The following ESRRG variants were observed in gnomAD, a reference collection of about 807,000 sequenced individuals.
ESRRG encodes estrogen related receptor gamma.
In ESRRG, 13 loss-of-function variants were observed where a neutral mutation model predicts 44.0. That is an observed-to-expected ratio of 0.30 (90% CI 0.19 to 0.47). The LOEUF is 0.47. Among genes scored for constraint, ESRRG ranks in the 20% least tolerant of loss-of-function variants. ESRRG has a pLI of 1.00. For missense variants in ESRRG, 395 were observed against 580.6 expected (o/e 0.68, Z 3.29); for synonymous variants, 215 against 214.6 (o/e 1.00, Z -0.02).
chr1:216,873,145 A>G (rs1262270932), intron 2 of ESRRG, among the ~76,000 whole-genome samples: 1 of 150,276 alleles, frequency 6.7e-6, no homozygotes, highest in Non-Finnish European at 1.5e-5. Context: ...AGTTTTTGAT[A>G]TGCTAAATTA....
chr1:216,846,286 G>T (rs916294022), intron 2 of ESRRG, among the ~76,000 whole-genome samples: 7 of 151,856 alleles, frequency 4.6e-5, no homozygotes, highest in Non-Finnish European at 5.9e-5. Flanking sequence ...TTCACTATAG[G>T]GATTTATTGC....
At chr1:216,951,749 G>A (rs183748374) in intron 1 of ESRRG, among the ~76,000 whole-genome samples, 12 of 150,068 alleles carry the variant, frequency 8.0e-5, no homozygotes, top group South Asian at 4.2e-4. Flanking sequence ...GTGTGTGTGT[G>A]TGTGTGTGTA....
chr1:216,937,054 G>A (rs543745820), intron 2 of ESRRG, among the ~76,000 whole-genome samples: 215 of 151,566 alleles, frequency 1.4e-3, no homozygotes, highest in African/African-American at 4.9e-3. Flanking sequence ...CTTGTAATTG[G>A]TACTTATCTT....
At chr1:216,709,329 ATG>A (rs201655451) in intron 1 of ESRRG, among the ~76,000 whole-genome samples, 1 of 92,402 alleles carries the variant, frequency 1.1e-5, no homozygotes, top group East Asian at 3.4e-4. Flanking sequence ...ATATATGTGT[ATG>A]TGTGTGTGTG....
At chr1:217,042,839 G>A (rs1161764126) in intron 1 of ESRRG, among the ~76,000 whole-genome samples, 1 of 152,072 alleles carries the variant, frequency 6.6e-6, no homozygotes, top group Non-Finnish European at 1.5e-5. Flanking sequence ...CACAGCCAGG[G>A]AACTGCTAAT....
At chr1:217,002,382 T>C (rs1387295634) in intron 1 of ESRRG, among the ~76,000 whole-genome samples, 2 of 151,296 alleles carry the variant, frequency 1.3e-5, no homozygotes, top group African/African-American at 4.9e-5. Context: ...GCACATTGTA[T>C]AATATTTATT....
intron 2 of ESRRG, among the ~76,000 whole-genome samples, chr1:216,828,966 G>A (rs1312229414): frequency 6.6e-6 from 1 of 152,130 alleles, no homozygotes; most frequent in Non-Finnish European, 1.5e-5. Context: ...ATTATGTGCA[G>A]CATTACACAG....
At chr1:216,797,560 A>T (rs1384597909) in intron 2 of ESRRG, among the ~76,000 whole-genome samples, 1 of 152,270 alleles carries the variant, frequency 6.6e-6, no homozygotes, top group East Asian at 1.9e-4. Flanking sequence ...GGGGAAAAAA[A>T]TCCCATTACC....
At chr1:217,056,262 G>A (rs903082119) in intron 1 of ESRRG, among the ~76,000 whole-genome samples, 1 of 152,012 alleles carries the variant, frequency 6.6e-6, no homozygotes, top group Non-Finnish European at 1.5e-5. Flanking sequence ...ACACCAAAAG[G>A]ATTAGGGTGT....
At chr1:216,958,468 G>C (rs1038253949) in intron 1 of ESRRG, among the ~76,000 whole-genome samples, 4 of 151,738 alleles carry the variant, frequency 2.6e-5, no homozygotes, top group African/African-American at 9.7e-5. Flanking sequence ...TTTTAATTTT[G>C]GCCATATTAA....
intron 1 of ESRRG, among the ~76,000 whole-genome samples, chr1:217,084,367 A>G (rs540677505): frequency 1.3e-5 from 2 of 152,280 alleles, no homozygotes; most frequent in Admixed American, 1.3e-4. Flanking sequence ...ATATATGGAA[A>G]TTTGCTTACA....
chr1:217,126,071 G>A (rs2092885502), intron 1 of ESRRG, among the ~76,000 whole-genome samples: 1 of 152,134 alleles, frequency 6.6e-6, no homozygotes, highest in African/African-American at 2.4e-5. Flanking sequence ...TGTGGTAGAG[G>A]AGGCCTGAAC....
At chr1:217,082,042 C>T (rs186472879) in intron 1 of ESRRG, among the ~76,000 whole-genome samples, 155 of 152,324 alleles carry the variant, frequency 1.0e-3, no homozygotes, top group African/African-American at 3.4e-3. Flanking sequence ...GCACTGCATA[C>T]GTGAGAATTG....
intron 1 of ESRRG, among the ~76,000 whole-genome samples, chr1:216,977,341 T>TATACACACACACACACACAC (rs146010546): frequency 0.018 from 2,542 of 143,922 alleles, 33 homozygotes; most frequent in Non-Finnish European, 0.027. Context: ...GGAGGATACA[T>TATACACACACACACACACAC]ACACACACAC....
At chr1:216,698,518 CAAAAAA>C (rs34454248) in intron 1 of ESRRG, among the ~76,000 whole-genome samples, 1 of 73,916 alleles carries the variant, frequency 1.4e-5, no homozygotes, top group South Asian at 5.7e-4. Context: ...GACTCAGTCT[CAAAAAA>C]AAAAAAAAAA....
chr1:216,789,620 T>C (rs1366739044), intron 2 of ESRRG, among the ~76,000 whole-genome samples: 2 of 152,156 alleles, frequency 1.3e-5, no homozygotes, highest in Non-Finnish European at 2.9e-5. Flanking sequence ...GAGGTATGCC[T>C]GTAACTGATT....
chr1:216,506,101 A>C lies in ESRRG; in HGVS notation c.*838T>G, dbSNP rs899225491. The C allele has an allele frequency of 6.5e-6, 1 of 152,750 alleles. No individual in the cohort carries two copies. Among genetic ancestry groups the C allele is most frequent in the East Asian group, 1.9e-4 (1 of 5,198 alleles). 9.5% of individuals were successfully genotyped at this position (152,750 alleles called of 1,614,324 possible). A position where few individuals can be genotyped will look rare whatever the true frequency, so the allele number is the denominator to read the frequency against. On this transcript the variant is annotated 3_prime_UTR_variant, in exon 7 of 7. Transcript: ENST00000408911. The stretch of plus-strand genomic sequence containing the variant: ...AACAAATACCTGGAAGACTTGAAAA[A>C]ACAATTAAGGAATCAAATGGCTGTA...
In ESRRG at chr1:216,702,095, G is replaced by T. The variant is rs536144509; in HGVS notation, c.56+21149C>A. On this transcript the variant is annotated intron_variant, in intron 1 of 6. Transcript: ENST00000408911. ...GAATTCTTAAAAGCAAGTAGTTATC[G>T]CTAATTAATTTTCTTCTGGGTATCT... 4.4e-3 allele frequency among the ~76,000 whole-genome samples: 664 copies of T among 152,190 alleles called. 6 individuals are homozygous for T. Among genetic ancestry groups the T allele is most frequent in the Non-Finnish European group, 7.3e-3 (498 of 67,986 alleles).
At chr1:216,906,258 C>T (rs1192217097) in intron 2 of ESRRG, among the ~76,000 whole-genome samples, 1 of 152,170 alleles carries the variant, frequency 6.6e-6, no homozygotes, top group Admixed American at 6.5e-5. Flanking sequence ...CTATCAAACT[C>T]TATATAAATA....
Sources: allele counts gnomAD v4.1 joint callset (sites outside exome capture counted in the v4.1 genomes callset), GRCh38; gene constraint gnomAD v4.1.1; transcripts MANE v1.5; gene names NCBI Gene and HGNC (gene_info 2026-07-23, HGNC 2026-07-21).